Variants in DNAJC9 observed in about 807,000 individuals in gnomAD.
DNAJC9 encodes DnaJ heat shock protein family (Hsp40) member C9.
In DNAJC9, 18 loss-of-function variants were observed where a neutral mutation model predicts 32.4. The observed-to-expected ratio is 0.56, with a 90% CI of 0.38 to 0.82. The LOEUF is 0.82. Ranked by LOEUF, DNAJC9 falls within the 40% of genes least tolerant of loss-of-function variation. The pLI is 0.00. For missense variants in DNAJC9, 310 were observed against 321.8 expected (o/e 0.96, Z 0.28); for synonymous variants, 113 against 122.1 (o/e 0.93, Z 0.49).
Position 73,243,439 on chromosome 10 carries a change from T to A in DNAJC9, c.744A>T (p.Gly248=), listed in dbSNP as rs781218421. Residue 248 remains glycine (G), a synonymous_variant, in exon 5 of 5, where the codon GGA becomes GGT. Transcript: ENST00000372950. The part of the protein sequence containing the change: ...MEAKYCKSSK[G]GGKKSALKKE... ...TCTTGAGAGCAGATTTTTTCCCTCC[T>A]CCTTTGGAAGATTTGCAGTACTTTG... 6.2e-6 allele frequency: 10 copies of A among 1,614,006 alleles called. No individual in the cohort carries two copies. The South Asian group carries it at 9.9e-5, about 16-fold the overall frequency.
At chr10:73,234,560 T>C, downstream of DNAJC9, 1 of 428,842 alleles carries the variant, frequency 2.3e-6, no homozygotes, top group Non-Finnish European at 4.2e-6. Context: ...AAATGTTTTA[T>C]TCCAGTTCTG....
At chr10:73,239,844 T>A (rs552058297), downstream of DNAJC9, among the ~76,000 whole-genome samples, 1 of 152,388 alleles carries the variant, frequency 6.6e-6, no homozygotes, top group East Asian at 1.9e-4. Flanking sequence ...CAGGATATGC[T>A]GAGTCTGATT....
chr10:73,240,910 G>C (rs2043935018), downstream of DNAJC9: 2 of 1,246,240 alleles, frequency 1.6e-6, no homozygotes, highest in Non-Finnish European at 2.3e-6. Context: ...ATCAAACCTA[G>C]ACTGTCTACT....
chr10:73,240,418 G>A (rs1319268933), downstream of DNAJC9, among the ~76,000 whole-genome samples: 3 of 152,174 alleles, frequency 2.0e-5, no homozygotes, highest in African/African-American at 7.2e-5. Context: ...CACATTGAAA[G>A]TCAGGTATAA....
chr10:73,233,096 A>G, intron 2 of DNAJC9: 1 of 1,551,692 alleles, frequency 6.4e-7, no homozygotes, highest in Non-Finnish European at 8.7e-7. Flanking sequence ...TCTTCATCCG[A>G]TCAGCACGAG....
chr10:73,235,367 A>G (rs779165013), downstream of DNAJC9: 1 of 1,547,784 alleles, frequency 6.5e-7, no homozygotes. Context: ...GGGAAAGAAA[A>G]GGTGGGGGGA....
chr10:73,239,982 T>C (rs111472727), downstream of DNAJC9, among the ~76,000 whole-genome samples: 5,810 of 152,292 alleles, frequency 0.038, 309 homozygotes, highest in African/African-American at 0.12. Context: ...CAGAATGCAG[T>C]GGCATGATCA....
chr10:73,236,447 T>C (rs1284841829), downstream of DNAJC9, among the ~76,000 whole-genome samples: 1 of 146,362 alleles, frequency 6.8e-6, no homozygotes, highest in Non-Finnish European at 1.5e-5. Context: ...GGAGTCTCGC[T>C]CTGTCACCTA....
intron 3 of DNAJC9, 103 bp downstream of exon 3, chr10:73,245,819 G>T: frequency 7.0e-7 from 1 of 1,426,964 alleles, no homozygotes; most frequent in Non-Finnish European, 9.5e-7. Flanking sequence ...GTTAACCCTA[G>T]TCCTTATTTC....
chr10:73,238,094 C>A (rs557857026), downstream of DNAJC9, among the ~76,000 whole-genome samples: 5 of 152,134 alleles, frequency 3.3e-5, no homozygotes, highest in South Asian at 1.0e-3. Flanking sequence ...ACCTGTAATC[C>A]CAGCATTTTG....
chr10:73,233,142 A>C (rs1193813552), intron 2 of DNAJC9: 3 of 1,551,380 alleles, frequency 1.9e-6, no homozygotes, highest in Non-Finnish European at 2.6e-6. Context: ...TCTGTGGAAG[A>C]AATCCTCAGA....
chr10:73,239,149 T>C, downstream of DNAJC9: 1 of 559,404 alleles, frequency 1.8e-6, no homozygotes, highest in Admixed American at 3.1e-5. Flanking sequence ...CTTGGGATTT[T>C]CTACTTGAAA....
intron 3 of DNAJC9, chr10:73,244,572 A>G (rs1449352526): frequency 2.6e-5 from 4 of 152,092 alleles, no homozygotes; most frequent in African/African-American, 9.7e-5. Context: ...CTCTCCTGGA[A>G]ACCCAATTTA....
At chr10:73,243,963 C>T in intron 3 of DNAJC9, 34 bp from the exon 4 acceptor site, 1 of 1,557,550 alleles carries the variant, frequency 6.4e-7, no homozygotes, top group Non-Finnish European at 8.8e-7. Flanking sequence ...CTCAGGGCCA[C>T]CAGGAAATGC....
intron 3 of DNAJC9, among the ~76,000 whole-genome samples, chr10:73,244,773 A>G (rs1009257386): frequency 1.3e-5 from 2 of 150,332 alleles, no homozygotes; most frequent in Admixed American, 1.3e-4. Context: ...GGCAACAACT[A>G]TAAGAGGCCC....
Position 73,232,277 on chromosome 10 carries a change from G to A in DNAJC9, n.147+11566C>T, listed in dbSNP as rs938675962. Among the ~76,000 whole-genome samples, 11 of 152,152 alleles carry A rather than the reference G, an allele frequency of 7.2e-5. 1 individual carries two copies. The highest frequency in any genetic ancestry group is 7.2e-4 in the Admixed American group (11 of 15,278). Reference sequence around the variant, plus strand: ...GTATTTAAGCTACTGAACTGTTTAGGTGTGGTATTATTTTATTTATTGGAC... The same window carrying A: ...GTATTTAAGCTACTGAACTGTTTAGATGTGGTATTATTTTATTTATTGGAC... On this transcript the variant is annotated intron_variant and non_coding_transcript_variant, in intron 2 of 2. Transcript: ENST00000469143.
downstream of DNAJC9, chr10:73,235,144 A>G (rs1311836243): frequency 5.2e-6 from 8 of 1,542,412 alleles, no homozygotes; most frequent in Middle Eastern, 1.7e-4. Flanking sequence ...ACTACATACC[A>G]CATTACAGAT....
downstream of DNAJC9, among the ~76,000 whole-genome samples, chr10:73,240,581 A>G (rs576558492): frequency 6.8e-4 from 103 of 152,162 alleles, no homozygotes; most frequent in South Asian, 7.9e-3. Flanking sequence ...GTGTGGTGGC[A>G]GATGCCTGTA....
downstream of DNAJC9, among the ~76,000 whole-genome samples, chr10:73,235,732 G>C (rs2043805721): frequency 1.3e-5 from 2 of 152,260 alleles, no homozygotes; most frequent in Middle Eastern, 3.4e-3. Flanking sequence ...GCAGGCTCTT[G>C]CCATGTTGCC....
Sources: gnomAD v4.1 joint callset for allele counts (sites outside exome capture counted in the v4.1 genomes callset) on GRCh38, gnomAD v4.1.1 for gene constraint, MANE v1.5 for transcripts, NCBI Gene and HGNC (gene_info 2026-07-23, HGNC 2026-07-21) for gene names.